Variants in ABCA8 observed in about 807,000 individuals in gnomAD.
ABCA8 encodes ABC-type organic anion transporter ABCA8.
A neutral mutation model predicts 192.3 loss-of-function variants in ABCA8; 177 were observed. The ratio of observed to expected loss-of-function variants is 0.92; its 90% confidence interval spans 0.81 to 1.04. The LOEUF (loss-of-function observed/expected upper bound fraction) is 1.04. ABCA8 is among the 50% of genes least tolerant of loss of function. The probability of loss-of-function intolerance (pLI) is 0.00; values close to 1 mark genes in which losing one functional copy is unlikely to be tolerated. For synonymous variants in ABCA8, 642 were observed against 690.2 expected (o/e 0.93, Z 1.09); for missense variants, 1,915 against 1,904.8 (o/e 1.01, Z -0.10).
chr17:68,881,177 A>T lies in ABCA8; in HGVS notation c.3981T>A (p.Ala1327=), dbSNP rs1280302997. The T allele has an allele frequency of 1.2e-6, 2 of 1,614,020 alleles. No homozygotes were observed. The highest frequency in any genetic ancestry group is 4.5e-5 in the East Asian group (2 of 44,866). ...EVLGLLGHNG[A]GKSTSIKVIT... Reference sequence around the variant, plus strand: ...TCACCTTAATGGATGTGCTTTTACCAGCTCCATTGTGTCCTAATAATCCTA... The same window carrying T: ...TCACCTTAATGGATGTGCTTTTACCTGCTCCATTGTGTCCTAATAATCCTA... Residue 1327 remains alanine (A), a synonymous_variant, in exon 32 of 40, where the codon GCT becomes GCA. Transcript: ENST00000586539.
At chr17:68,916,575 T>G (rs550582661) in intron 17 of ABCA8, among the ~76,000 whole-genome samples, 191 of 152,258 alleles carry the variant, frequency 1.3e-3, no homozygotes, top group African/African-American at 4.5e-3. Context: ...GTTAAATATC[T>G]TATCTGAGTC....
At chr17:68,934,535 G>A (rs2068001019) in intron 5 of ABCA8, among the ~76,000 whole-genome samples, 1 of 152,172 alleles carries the variant, frequency 6.6e-6, no homozygotes, top group Admixed American at 6.5e-5. Flanking sequence ...AGAAGCAGGT[G>A]AGAAAAGATG....
chr17:68,954,985 T>G (rs1207206056), intron 1 of ABCA8, among the ~76,000 whole-genome samples: 1 of 152,208 alleles, frequency 6.6e-6, no homozygotes, highest in African/African-American at 2.4e-5. Context: ...GCATAATTTT[T>G]TAAAAAACAT....
At chr17:68,882,790 A>G in intron 29 of ABCA8, 71 bp from the exon 30 acceptor site, 1 of 1,495,934 alleles carries the variant, frequency 6.7e-7, no homozygotes, top group South Asian at 1.2e-5. Flanking sequence ...CATTATTTAA[A>G]GCATATGTTT....
intron 1 of ABCA8, among the ~76,000 whole-genome samples, chr17:68,952,911 A>C (rs999759327): frequency 2.0e-5 from 3 of 152,128 alleles, no homozygotes; most frequent in Non-Finnish European, 4.4e-5. Flanking sequence ...ATGTCTGTAT[A>C]TGGGGGGTGA....
At chr17:68,922,384 T>A in intron 11 of ABCA8, 84 bp from the exon 12 acceptor site, 1 of 960,728 alleles carries the variant, frequency 1.0e-6, no homozygotes, top group Non-Finnish European at 1.5e-6. Context: ...GGATAAATCT[T>A]AACTTCAGGA....
At chr17:68,938,275 G>A (rs1054087066) in intron 4 of ABCA8, among the ~76,000 whole-genome samples, 1 of 152,136 alleles carries the variant, frequency 6.6e-6, no homozygotes, top group Admixed American at 6.6e-5. Context: ...GGAAGGAAAA[G>A]TCCAACATAC....
intron 21 of ABCA8, among the ~76,000 whole-genome samples, chr17:68,897,551 G>T (rs368763721): frequency 7.2e-4 from 109 of 152,270 alleles, no homozygotes; most frequent in African/African-American, 1.8e-3. Context: ...AGACTTCAAG[G>T]CAGGTATTGT....
At chr17:68,897,442 G>T (rs1283192450) in intron 21 of ABCA8, among the ~76,000 whole-genome samples, 2 of 152,124 alleles carry the variant, frequency 1.3e-5, no homozygotes, top group Admixed American at 1.3e-4. Context: ...AAAATTATGA[G>T]ACATGCTAAA....
At chr17:68,870,078 G>A (rs1028970471) in intron 37 of ABCA8, among the ~76,000 whole-genome samples, 1 of 152,126 alleles carries the variant, frequency 6.6e-6, no homozygotes, top group Non-Finnish European at 1.5e-5. Context: ...CCAAGCTAGG[G>A]CCTTGAACAT....
At chr17:68,947,590 T>C (rs1364952553) in intron 2 of ABCA8, among the ~76,000 whole-genome samples, 1 of 152,198 alleles carries the variant, frequency 6.6e-6, no homozygotes, top group East Asian at 1.9e-4. Flanking sequence ...GGGATAAGGA[T>C]GGGCTAAATT....
At chr17:68,928,968 T>C (rs2067778396) in intron 9 of ABCA8, 81 bp downstream of exon 9, 25 of 1,189,878 alleles carry the variant, frequency 2.1e-5, no homozygotes, top group Non-Finnish European at 2.6e-5. Flanking sequence ...ATGCTGAGTT[T>C]GTAAATGATT....
intron 29 of ABCA8, among the ~76,000 whole-genome samples, chr17:68,883,589 A>G (rs1194481161): frequency 6.6e-6 from 1 of 152,104 alleles, no homozygotes; most frequent in Non-Finnish European, 1.5e-5. Context: ...TTAATACTCC[A>G]TGTTTCAGGT....
chr17:68,895,620 C>T (rs2066730835), intron 21 of ABCA8, among the ~76,000 whole-genome samples: 1 of 152,152 alleles, frequency 6.6e-6, no homozygotes, highest in South Asian at 2.1e-4. Context: ...CGTCTACTCC[C>T]CACTTCCTTC....
intron 17 of ABCA8, among the ~76,000 whole-genome samples, chr17:68,908,965 A>G (rs962369900): frequency 6.6e-6 from 1 of 152,222 alleles, no homozygotes; most frequent in African/African-American, 2.4e-5. Flanking sequence ...TAAGTCAAAA[A>G]TTATTCCACT....
chr17:68,922,403 G>T, intron 11 of ABCA8, 103 bp from the exon 12 acceptor site: 2 of 813,420 alleles, frequency 2.5e-6, no homozygotes, highest in East Asian at 3.4e-5. Context: ...GATACATGAA[G>T]ATCTGGGTCT....
chr17:68,914,208 G>A (rs779240280), intron 17 of ABCA8, among the ~76,000 whole-genome samples: 17 of 151,906 alleles, frequency 1.1e-4, no homozygotes, highest in Non-Finnish European at 2.1e-4. Context: ...CTCAATGGGG[G>A]AAAGCCTTTT....
intron 18 of ABCA8, among the ~76,000 whole-genome samples, chr17:68,907,071 A>T (rs904879438): frequency 1.3e-5 from 2 of 152,188 alleles, no homozygotes; most frequent in Non-Finnish European, 2.9e-5. Context: ...AGTATTATGC[A>T]TCATTCTTCA....
intron 1 of ABCA8, among the ~76,000 whole-genome samples, chr17:68,953,208 T>C (rs1350677707): frequency 1.3e-5 from 2 of 152,174 alleles, no homozygotes; most frequent in East Asian, 3.9e-4. Context: ...GTGAAGGACA[T>C]GACTTGGAAG....
Sources: allele counts gnomAD v4.1 joint callset (sites outside exome capture counted in the v4.1 genomes callset), GRCh38; gene constraint gnomAD v4.1.1; transcripts MANE v1.5; gene names NCBI Gene and HGNC (gene_info 2026-07-23, HGNC 2026-07-21).